The following VRK1 variants were observed in gnomAD, a reference collection of about 807,000 sequenced individuals.
VRK1 encodes the protein VRK serine/threonine kinase 1.
A neutral mutation model predicts 57.1 loss-of-function variants in VRK1; 33 were observed. The observed-to-expected ratio is 0.58, with a 90% CI of 0.44 to 0.77. VRK1 has a LOEUF of 0.77. VRK1 is among the 30% of genes least tolerant of loss of function. VRK1 has a pLI of 0.00. For missense variants in VRK1, 413 were observed against 477.3 expected, an observed-to-expected ratio of 0.87 and a Z score of 1.25; for synonymous variants, 137 against 147.8, an observed-to-expected ratio of 0.93 and a Z score of 0.53.
At chr14:96,839,308 A>G (rs1224170284) in intron 3 of VRK1, among the ~76,000 whole-genome samples, 1 of 152,184 alleles carries the variant, frequency 6.6e-6, no homozygotes, top group African/African-American at 2.4e-5. Context: ...AAGCGTCTAT[A>G]AACATTCTTG....
chr14:96,822,338 T>A (rs1886636366), intron 1 of VRK1, among the ~76,000 whole-genome samples: 1 of 152,168 alleles, frequency 6.6e-6, no homozygotes, highest in East Asian at 1.9e-4. Context: ...GGACTCAGTA[T>A]TGTTTTTATT....
chr14:96,807,883 A>G (rs953216671), intron 1 of VRK1, among the ~76,000 whole-genome samples: 1 of 152,124 alleles, frequency 6.6e-6, no homozygotes, highest in Admixed American at 6.6e-5. Flanking sequence ...TGATGATGCT[A>G]TGCACTGAGA....
At chr14:96,872,085 G>T (rs1364423882) in intron 11 of VRK1, among the ~76,000 whole-genome samples, 1 of 152,148 alleles carries the variant, frequency 6.6e-6, no homozygotes, top group Admixed American at 6.5e-5. Context: ...GATTGTAGGC[G>T]TGAGCTACTG....
At chr14:96,845,085 A>G (rs1158990227) in intron 3 of VRK1, among the ~76,000 whole-genome samples, 1 of 152,006 alleles carries the variant, frequency 6.6e-6, no homozygotes, top group African/African-American at 2.4e-5. Context: ...TTAACTTTGA[A>G]CTCCAGTTAA....
intron 11 of VRK1, among the ~76,000 whole-genome samples, chr14:96,870,333 A>T (rs1888770329): frequency 6.6e-6 from 1 of 152,170 alleles, no homozygotes; most frequent in Non-Finnish European, 1.5e-5. Context: ...AATATTAAAG[A>T]TAATTAAAGC....
In VRK1 at chr14:96,824,183, G is replaced by A. The variant is rs577433297; in HGVS notation, c.-5-9284G>A. ...GTATTTTGGTGTAAGCTGTGGAAAT[G>A]TAGGTGGTCTGCTTTTTTAACATGA... On this transcript the variant is annotated intron_variant, in intron 1 of 12. Coordinates refer to ENST00000216639, the MANE Select transcript of VRK1 (RefSeq NM_003384.3). 5.1e-4 allele frequency among the ~76,000 whole-genome samples: 78 copies of A among 152,272 alleles called. No homozygotes were observed. In the Middle Eastern group the frequency reaches 0.014, roughly 27 times the overall value.
rs531558382 is a variant in VRK1, at chr14:96,821,326, T to C, written c.-5-12141T>C. ...CTATAAAGAGAGAGCTTAGAAAGTC[T>C]AGAGTAAGAGATGATTAGCATGCTT... On this transcript the variant is annotated intron_variant, in intron 1 of 12. Transcript: ENST00000216639. Among the ~76,000 whole-genome samples, 3 of 152,274 alleles carry C rather than the reference T, an allele frequency of 2.0e-5. No homozygotes were observed. The South Asian group carries it at 6.2e-4, about 32-fold the overall frequency.
At chr14:96,811,448 A>G (rs1886201716) in intron 1 of VRK1, among the ~76,000 whole-genome samples, 1 of 152,214 alleles carries the variant, frequency 6.6e-6, no homozygotes, top group Non-Finnish European at 1.5e-5. Context: ...CATACACAGC[A>G]TAGAGTTTCA....
intron 2 of VRK1, among the ~76,000 whole-genome samples, chr14:96,836,630 C>T (rs1319971614): frequency 6.8e-6 from 1 of 146,116 alleles, no homozygotes; most frequent in Non-Finnish European, 1.5e-5. Context: ...TCAAGTGATT[C>T]TCCCACCTCA....
chr14:96,877,358 C>T (rs918777890), intron 12 of VRK1: 2 of 444,264 alleles, frequency 4.5e-6, no homozygotes, highest in African/African-American at 4.1e-5. Context: ...CCAAAGAATA[C>T]TTGAGATACC....
At chr14:96,871,582 A>T (rs1332800040) in intron 11 of VRK1, among the ~76,000 whole-genome samples, 1 of 152,208 alleles carries the variant, frequency 6.6e-6, no homozygotes, top group Non-Finnish European at 1.5e-5. Context: ...ATAAAAGATG[A>T]AGTTTCTCTT....
chr14:96,831,431 G>A (rs1886999333), intron 1 of VRK1, among the ~76,000 whole-genome samples: 1 of 152,186 alleles, frequency 6.6e-6, no homozygotes, highest in South Asian at 2.1e-4. Flanking sequence ...GCATATTGAA[G>A]ATACTGACAG....
rs1889257279 is a variant in VRK1, at chr14:96,881,489, G to A, written c.*281G>A. On this transcript the variant is annotated 3_prime_UTR_variant, in exon 13 of 13. Transcript: ENST00000216639. ...AGTACATATATATGAAAATTATTAT[G>A]ACACGCACTTTTCTAATCATTGTAC... 3 of 316,536 alleles carry A rather than the reference G, an allele frequency of 9.5e-6. No homozygotes were observed. The highest frequency in any genetic ancestry group is 1.7e-5 in the Non-Finnish European group (3 of 173,202). The allele number at this position is 316,536 out of a possible 1,614,324, so 19.6% of individuals were successfully genotyped here. A position where few individuals can be genotyped will look rare whatever the true frequency, so the allele number is the denominator to read the frequency against.
chr14:96,875,757 T>C (rs1889001601), intron 11 of VRK1, among the ~76,000 whole-genome samples: 1 of 151,134 alleles, frequency 6.6e-6, no homozygotes, highest in Admixed American at 6.7e-5. Flanking sequence ...TAATGAAGTA[T>C]ATAAAGCATG....
intron 1 of VRK1, among the ~76,000 whole-genome samples, chr14:96,804,208 T>G (rs962343471): frequency 6.6e-6 from 1 of 152,262 alleles, no homozygotes; most frequent in African/African-American, 2.4e-5. Flanking sequence ...GCTTTAGATC[T>G]TGGTACATTT....
At chr14:96,825,302 G>A (rs773079801) in intron 1 of VRK1, among the ~76,000 whole-genome samples, 18 of 152,160 alleles carry the variant, frequency 1.2e-4, no homozygotes, top group Non-Finnish European at 2.5e-4. Flanking sequence ...GGCTTAGGAA[G>A]GGGAATTAGA....
At chr14:96,823,627 G>A (rs935463761) in intron 1 of VRK1, among the ~76,000 whole-genome samples, 3 of 152,062 alleles carry the variant, frequency 2.0e-5, no homozygotes, top group African/African-American at 7.2e-5. Context: ...TTAAAAAATT[G>A]TGATAAGAAA....
intron 2 of VRK1, 38 bp downstream of exon 2, chr14:96,833,669 T>A: frequency 6.2e-7 from 1 of 1,612,540 alleles, no homozygotes; most frequent in Non-Finnish European, 8.5e-7. Context: ...AATCCAAAGA[T>A]TTATATGTTT....
chr14:96,832,222 G>A (rs918191387), intron 1 of VRK1, among the ~76,000 whole-genome samples: 1 of 152,092 alleles, frequency 6.6e-6, no homozygotes, highest in East Asian at 1.9e-4. Flanking sequence ...GTTGAATCTA[G>A]TGTGTATGTA....
Sources: allele counts gnomAD v4.1 joint callset (sites outside exome capture counted in the v4.1 genomes callset), GRCh38; gene constraint gnomAD v4.1.1; transcripts MANE v1.5; gene names NCBI Gene and HGNC (gene_info 2026-07-23, HGNC 2026-07-21).